The following FBN2 variants were observed in gnomAD, a reference collection of about 807,000 sequenced individuals.
FBN2 encodes the protein fibrillin-2.
In FBN2, 105 loss-of-function variants were observed where a neutral mutation model predicts 355.6. The ratio of observed to expected loss-of-function variants is 0.30; its 90% confidence interval spans 0.25 to 0.35. The LOEUF (loss-of-function observed/expected upper bound fraction) is 0.35. Among genes scored for constraint, FBN2 ranks in the 10% least tolerant of loss-of-function variants. FBN2 has a pLI of 1.00. For missense variants in FBN2, 3,280 were observed against 3,758.7 expected, an observed-to-expected ratio of 0.87 and a Z score of 3.33; for synonymous variants, 1,350 against 1,301.2, an observed-to-expected ratio of 1.04 and a Z score of -0.81.
chr5:128,408,695 T>G lies in FBN2; in HGVS notation c.1057A>C (p.Thr353Pro). 2 of 1,614,032 alleles carry G rather than the reference T, an allele frequency of 1.2e-6. No homozygotes were observed. The highest frequency in any genetic ancestry group is 8.5e-7 in the Non-Finnish European group (1 of 1,179,930). ...CVCPRGYVTS[T>P]DGSRCIDQRT... ...TTACCGATGCATCGAGAGCCATCTG[T>G]TGAGGTTACATATCCACGTGGACAA... is the stretch of plus-strand genomic sequence containing the variant. Residue 353 changes from threonine (T) to proline (P), a missense_variant, in exon 8 of 65, where the codon ACA (threonine) becomes CCA (proline). By Grantham distance (38) the Thr-to-Pro change is conservative (BLOSUM62 -1). Coordinates refer to ENST00000262464, the MANE Select transcript of FBN2 (RefSeq NM_001999.4).
intron 23 of FBN2, among the ~76,000 whole-genome samples, chr5:128,346,418 A>C (rs1224318091): frequency 6.6e-6 from 1 of 152,234 alleles, no homozygotes; most frequent in Non-Finnish European, 1.5e-5. Flanking sequence ...TTTGATAAGA[A>C]CATTTTAAGA....
At chr5:128,447,014 T>C (rs776211751) in intron 6 of FBN2, among the ~76,000 whole-genome samples, 1 of 152,182 alleles carries the variant, frequency 6.6e-6, no homozygotes, top group Non-Finnish European at 1.5e-5. Flanking sequence ...ATTGTGAAGA[T>C]TTCATGGACA....
At chr5:128,430,925 A>C (rs1753605666) in intron 7 of FBN2, among the ~76,000 whole-genome samples, 1 of 152,170 alleles carries the variant, frequency 6.6e-6, no homozygotes, top group African/African-American at 2.4e-5. Context: ...AATAGCATGA[A>C]CTTCTTTTCA....
chr5:128,502,440 A>C (rs1178522096), intron 5 of FBN2, among the ~76,000 whole-genome samples: 1 of 152,178 alleles, frequency 6.6e-6, no homozygotes, highest in African/African-American at 2.4e-5. Context: ...CAGAAATATG[A>C]AGGGAAAAAG....
At chr5:128,495,622 A>C (rs574594805) in intron 5 of FBN2, among the ~76,000 whole-genome samples, 1 of 152,142 alleles carries the variant, frequency 6.6e-6, no homozygotes, top group Non-Finnish European at 1.5e-5. Flanking sequence ...ACCTAATGCA[A>C]TCAGAAAGAA....
intron 64 of FBN2, 61 bp downstream of exon 64, chr5:128,261,675 A>C: frequency 1.3e-6 from 2 of 1,491,586 alleles, no homozygotes; most frequent in East Asian, 2.3e-5. Context: ...CGTGAACTGC[A>C]CTGTATACAT....
intron 61 of FBN2, among the ~76,000 whole-genome samples, chr5:128,273,576 T>C (rs1232684554): frequency 6.6e-6 from 1 of 152,212 alleles, no homozygotes; most frequent in Non-Finnish European, 1.5e-5. Flanking sequence ...CTTTTTCAAT[T>C]CAATTCTTTC....
rs537477883 is a variant in FBN2 at position 128,339,056 on chromosome 5, C to T, written c.3349G>A (p.Asp1117Asn). 41 of 1,613,900 alleles carry T rather than the reference C, an allele frequency of 2.5e-5. No individual in the cohort carries two copies. Among genetic ancestry groups the T allele is most frequent in the South Asian group, 1.5e-4 (14 of 91,074 alleles). The change falls in exon 26 of 65, where the codon GAC (aspartate) becomes AAC (asparagine). Residue 1117 changes from aspartate (D) to asparagine (N), a missense_variant. Transcript: ENST00000262464. ...AGGTCAGGAGAAATCCTGCACTCGT[C>T]GATGTCTAATTCACAGGGTTTAAAA... is the stretch of plus-strand genomic sequence containing the variant. The part of the protein sequence containing the change: ...DMEERNCTDI[D>N]ECRISPDLCG...
chr5:128,307,054 T>C, intron 42 of FBN2, 81 bp downstream of exon 42: 5 of 931,360 alleles, frequency 5.4e-6, no homozygotes, highest in South Asian at 1.3e-5. Flanking sequence ...TGTGGTACTC[T>C]TGAATTTTAA....
At chr5:128,433,584 T>C (rs1225502432) in intron 7 of FBN2, among the ~76,000 whole-genome samples, 1 of 152,194 alleles carries the variant, frequency 6.6e-6, no homozygotes, top group African/African-American at 2.4e-5. Flanking sequence ...TCTGAGAATT[T>C]GGAAGATGAA....
intron 34 of FBN2, among the ~76,000 whole-genome samples, chr5:128,321,304 T>A (rs1037684824): frequency 1.3e-5 from 2 of 152,372 alleles, no homozygotes; most frequent in East Asian, 3.9e-4. Flanking sequence ...TTGCATTTTT[T>A]AAAAATTATA....
chr5:128,353,676 AG>A (rs1376220080), intron 20 of FBN2, among the ~76,000 whole-genome samples: 2 of 152,250 alleles, frequency 1.3e-5, no homozygotes, highest in Non-Finnish European at 2.9e-5. Flanking sequence ...AGATAGTGAC[AG>A]GAACTGGAAG....
intron 18 of FBN2, among the ~76,000 whole-genome samples, chr5:128,362,775 A>G (rs1268910055): frequency 6.6e-6 from 1 of 152,128 alleles, no homozygotes; most frequent in Non-Finnish European, 1.5e-5. Context: ...TCACATTTTA[A>G]TCTTCATATT....
At chr5:128,511,540 C>T (rs572196587) in intron 5 of FBN2, among the ~76,000 whole-genome samples, 26 of 152,272 alleles carry the variant, frequency 1.7e-4, no homozygotes, top group African/African-American at 5.1e-4. Context: ...ATGTATGATG[C>T]GTCTTCCATT....
At chr5:128,470,160 C>T (rs1183721746) in intron 5 of FBN2, among the ~76,000 whole-genome samples, 1 of 152,122 alleles carries the variant, frequency 6.6e-6, no homozygotes, top group Non-Finnish European at 1.5e-5. Flanking sequence ...GGGAGAGCAA[C>T]AGGAGATTGT....
In FBN2 at chr5:128,258,706, C is replaced by T. The variant is rs1764880538; in HGVS notation, c.*749G>A. 6.5e-6 allele frequency: 1 copy of T among 152,792 alleles called. No homozygotes were observed. The highest frequency in any genetic ancestry group is 6.5e-5 in the Admixed American group (1 of 15,288). 9.5% of individuals were successfully genotyped at this position (152,792 alleles called of 1,614,324 possible). ...CACAAGCAGTCAAGGTATTTTGCTACAGTGGTTGTGCTTCAACTTCTGTTG... is the reference window on the plus strand; with the variant it reads ...CACAAGCAGTCAAGGTATTTTGCTATAGTGGTTGTGCTTCAACTTCTGTTG... On this transcript the variant is annotated 3_prime_UTR_variant, in exon 65 of 65. Transcript: ENST00000262464.
chr5:128,440,643 A>G (rs977240201), intron 7 of FBN2, among the ~76,000 whole-genome samples: 2 of 152,240 alleles, frequency 1.3e-5, no homozygotes, highest in Non-Finnish European at 2.9e-5. Flanking sequence ...GGGCCAAGCC[A>G]TATCAACTAC....
At chr5:128,476,810 C>G (rs1755015932) in intron 5 of FBN2, among the ~76,000 whole-genome samples, 1 of 152,174 alleles carries the variant, frequency 6.6e-6, no homozygotes, top group Non-Finnish European at 1.5e-5. Flanking sequence ...TCCTTAGTCA[C>G]AGCACACCAT....
At chr5:128,280,835 T>C (rs543462132) in intron 55 of FBN2, among the ~76,000 whole-genome samples, 2 of 152,314 alleles carry the variant, frequency 1.3e-5, no homozygotes, top group Admixed American at 6.5e-5. Flanking sequence ...GCAGTTTAAG[T>C]AATACTGCTC....
Sources: gnomAD v4.1 joint callset for allele counts (sites outside exome capture counted in the v4.1 genomes callset) on GRCh38, gnomAD v4.1.1 for gene constraint, MANE v1.5 for transcripts, NCBI Gene and HGNC (gene_info 2026-07-23, HGNC 2026-07-21) for gene names.